Variants in WDPCP observed in about 807,000 individuals in gnomAD.
The protein encoded by WDPCP is WD repeat-containing and planar cell polarity effector protein fritz homolog.
In WDPCP, 71 loss-of-function variants were observed where a neutral mutation model predicts 93.1. The ratio of observed to expected loss-of-function variants is 0.76; its 90% CI spans 0.63 to 0.93. The LOEUF (loss-of-function observed/expected upper bound fraction) is 0.93, where lower values mean the gene tolerates loss of function less well. Among genes scored for constraint, WDPCP ranks in the 40% least tolerant of loss-of-function variants. The pLI is 0.00. For synonymous variants in WDPCP, 315 were observed against 315.0 expected (o/e 1.00, Z 0.00); for missense variants, 844 against 887.4 (o/e 0.95, Z 0.62).
At position 63,404,641 on chromosome 2, in the gene WDPCP, C is replaced by A; in HGVS notation, c.842G>T (p.Arg281Leu). ...AACATCCAGTGGGTCCCATTCTGTG[C>A]GGACAGAACTCAGAACCTGTTAAGA... Reference protein sequence around the residue: ...QGRLEVLSSVRTEWDPLDVRF... With the variant: ...QGRLEVLSSVLTEWDPLDVRF... The change falls in exon 10 of 18, where the codon CGC becomes CTC. Residue 281 changes from arginine to leucine, a missense_variant. Arg to Leu is a moderately radical substitution (Grantham distance 102). Transcript: ENST00000272321. 6.2e-7 allele frequency: 1 copy of A among 1,613,996 alleles called. No homozygotes were observed. The highest frequency in any genetic ancestry group is 8.5e-7 in the Non-Finnish European group (1 of 1,179,958).
intron 3 of WDPCP, chr2:63,594,497 A>G (rs1709264165): frequency 1.2e-6 from 2 of 1,612,822 alleles, no homozygotes; most frequent in East Asian, 2.2e-5. Flanking sequence ...GTCTGAACCA[A>G]TCAGAGTCCT....
intron 2 of WDPCP, among the ~76,000 whole-genome samples, chr2:63,783,946 T>C (rs1420774343): frequency 6.6e-6 from 1 of 152,198 alleles, no homozygotes; most frequent in African/African-American, 2.4e-5. Context: ...TTTAGCCTGA[T>C]TTCCCTGACT....
At chr2:63,507,425 G>T (rs931889512) in intron 1 of WDPCP, among the ~76,000 whole-genome samples, 1 of 151,876 alleles carries the variant, frequency 6.6e-6, no homozygotes, top group African/African-American at 2.4e-5. Context: ...TGTGAGGTTA[G>T]AAAAAAACAT....
chr2:63,439,460 G>T (rs1442531670), intron 7 of WDPCP, among the ~76,000 whole-genome samples: 2 of 151,892 alleles, frequency 1.3e-5, no homozygotes, highest in South Asian at 4.2e-4. Flanking sequence ...CAGTTATAGA[G>T]AAATAATTTT....
At chr2:63,244,934 A>C (rs1282050767) in intron 14 of WDPCP, among the ~76,000 whole-genome samples, 1 of 152,152 alleles carries the variant, frequency 6.6e-6, no homozygotes, top group Non-Finnish European at 1.5e-5. Flanking sequence ...ATTACATTTA[A>C]AGCATAGGTT....
intron 8 of WDPCP, among the ~76,000 whole-genome samples, chr2:63,436,774 C>T (rs1190827374): frequency 1.3e-5 from 2 of 152,012 alleles, no homozygotes; most frequent in African/African-American, 2.4e-5. Context: ...TATGCCTTCC[C>T]AGCAGTTAAA....
intron 10 of WDPCP, among the ~76,000 whole-genome samples, chr2:63,402,242 C>T (rs1336034747): frequency 6.6e-6 from 1 of 152,124 alleles, no homozygotes; most frequent in East Asian, 1.9e-4. Context: ...CACATTTTCT[C>T]ATTCATAAGT....
intron 2 of WDPCP, among the ~76,000 whole-genome samples, chr2:63,732,298 TAAAG>T (rs1002387083): frequency 6.6e-6 from 1 of 152,234 alleles, no homozygotes; most frequent in African/African-American, 2.4e-5. Context: ...ATTGATGCTA[TAAAG>T]ACTAGGCTTA....
intron 1 of WDPCP, among the ~76,000 whole-genome samples, chr2:63,526,872 A>G (rs1382794331): frequency 6.6e-6 from 1 of 152,218 alleles, no homozygotes; most frequent in Non-Finnish European, 1.5e-5. Context: ...ATCTGAGTAC[A>G]TGAACTAGAA....
At chr2:63,170,346 C>T (rs984182616) in intron 15 of WDPCP, among the ~76,000 whole-genome samples, 1 of 151,350 alleles carries the variant, frequency 6.6e-6, no homozygotes, top group Non-Finnish European at 1.5e-5. Flanking sequence ...AATCTCAGCT[C>T]ACTGCAACCT....
At chr2:63,837,476 C>T in the WDPCP span, among the ~76,000 whole-genome samples, 1 of 152,208 alleles carries the variant, frequency 6.6e-6, no homozygotes, top group East Asian at 1.9e-4. Context: ...TGGCTAAACA[C>T]TTTGGGCATG....
chr2:63,707,518 A>G (rs1039738972), intron 2 of WDPCP, among the ~76,000 whole-genome samples: 1 of 151,942 alleles, frequency 6.6e-6, no homozygotes, highest in African/African-American at 2.4e-5. Context: ...TATTCTAGTT[A>G]TCCATTCATC....
chr2:63,650,290 G>A (rs1710094400), intron 3 of WDPCP, among the ~76,000 whole-genome samples: 1 of 152,168 alleles, frequency 6.6e-6, no homozygotes, highest in African/African-American at 2.4e-5. Flanking sequence ...GACACTGTTG[G>A]GGCCTGAGAA....
At chr2:63,557,387 C>G (rs1203589876) in intron 1 of WDPCP, among the ~76,000 whole-genome samples, 1 of 152,080 alleles carries the variant, frequency 6.6e-6, no homozygotes, top group African/African-American at 2.4e-5. Context: ...AGACTTTAAA[C>G]CAACAAAGAC....
At chr2:63,202,661 C>T (rs757248494) in intron 14 of WDPCP, among the ~76,000 whole-genome samples, 64 of 152,094 alleles carry the variant, frequency 4.2e-4, no homozygotes, top group Non-Finnish European at 8.1e-4. Context: ...TTCCATAAAG[C>T]GTTACATCTT....
intron 3 of WDPCP, among the ~76,000 whole-genome samples, chr2:63,612,634 C>A (rs1709625470): frequency 6.6e-6 from 1 of 152,192 alleles, no homozygotes; most frequent in South Asian, 2.1e-4. Context: ...CAGTTTACCA[C>A]CCTTGAAAGC....
At chr2:63,757,711 G>T (rs1167835296) in intron 2 of WDPCP, among the ~76,000 whole-genome samples, 1 of 152,168 alleles carries the variant, frequency 6.6e-6, no homozygotes, top group Non-Finnish European at 1.5e-5. Context: ...ACATAGACAG[G>T]TAATTTACTC....
chr2:63,331,495 A>G (rs1349040756), intron 12 of WDPCP, among the ~76,000 whole-genome samples: 1 of 152,230 alleles, frequency 6.6e-6, no homozygotes, highest in Admixed American at 6.5e-5. Context: ...TTCAGGAAAG[A>G]TATCTCGAAT....
intron 2 of WDPCP, among the ~76,000 whole-genome samples, chr2:63,772,151 A>T (rs140459868): frequency 4.6e-5 from 7 of 152,082 alleles, no homozygotes; most frequent in African/African-American, 1.7e-4. Context: ...ACTAATTTAC[A>T]TTCTCACCAA....
Sources: allele counts gnomAD v4.1 joint callset (sites outside exome capture counted in the v4.1 genomes callset), GRCh38; gene constraint gnomAD v4.1.1; transcripts MANE v1.5; gene names NCBI Gene and HGNC (gene_info 2026-07-23, HGNC 2026-07-21).